ATAD2B: variants seen among roughly 807,000 people sequenced by gnomAD.
ATAD2B encodes ATPase family AAA domain-containing protein 2B.
ATAD2B carries 40 observed loss-of-function variants against 167.6 expected under a neutral mutation model. The observed-to-expected ratio is 0.24, with a 90% confidence interval of 0.19 to 0.31. The LOEUF (loss-of-function observed/expected upper bound fraction) is 0.31, where lower values mean the gene tolerates loss of function less well. ATAD2B is among the 10% of genes least tolerant of loss of function. The pLI is 1.00. For missense variants in ATAD2B, 1,242 were observed against 1,757.2 expected (o/e 0.71, Z 5.24); for synonymous variants, 579 against 596.5 (o/e 0.97, Z 0.43).
At chr2:23,780,267 TTGTGTGTGTGTGTGTG>T (rs67788174) in intron 22 of ATAD2B, among the ~76,000 whole-genome samples, 4 of 144,086 alleles carry the variant, frequency 2.8e-5, no homozygotes, top group South Asian at 2.2e-4. Flanking sequence ...AAGTATATAC[TTGTGTGTGTGTGTGTG>T]TGTGTGTGTG....
the ATAD2B span, chr2:23,691,667 T>G: frequency 1.3e-6 from 2 of 1,551,416 alleles, no homozygotes; most frequent in East Asian, 2.4e-5. Context: ...CTGGTCTCTG[T>G]GCCTAGGTCC....
At chr2:23,748,294 C>T (rs1369303123), downstream of ATAD2B, among the ~76,000 whole-genome samples, 1 of 152,120 alleles carries the variant, frequency 6.6e-6, no homozygotes, top group African/African-American at 2.4e-5. Flanking sequence ...ATGTGCTATA[C>T]TGTACAAAGT....
the ATAD2B span, chr2:23,696,677 A>G: frequency 3.4e-6 from 2 of 590,704 alleles, no homozygotes; most frequent in East Asian, 6.1e-5. The surrounding 1 kb of genome is among the most constrained non-coding windows in gnomAD (Gnocchi z 5.5). Flanking sequence ...CACCGGGGGC[A>G]GCAGGGTGTG....
At chr2:23,904,921 G>T (rs1056484780) in intron 1 of ATAD2B, among the ~76,000 whole-genome samples, 2 of 151,854 alleles carry the variant, frequency 1.3e-5, no homozygotes, top group Non-Finnish European at 2.9e-5. Flanking sequence ...ATTTATTTAG[G>T]GCCAACACTA....
At chr2:23,892,457 C>T (rs1411532944) in intron 2 of ATAD2B, among the ~76,000 whole-genome samples, 1 of 151,336 alleles carries the variant, frequency 6.6e-6, no homozygotes, top group African/African-American at 2.4e-5. Flanking sequence ...AGCCACTGCG[C>T]CCGGTTTTTT....
Position 23,922,765 on chromosome 2 carries a change from C to T in ATAD2B, c.216+3790G>A, listed in dbSNP as rs527608370. ...GTCAGGTATATAAAAAGGTGCTCAA[C>T]ATTACTAATCATCAGGGAAATGCAA... On this transcript the variant is annotated intron_variant, in intron 1 of 27. Transcript: ENST00000238789. Among the ~76,000 whole-genome samples, 28 of 146,834 alleles carry T rather than the reference C, an allele frequency of 1.9e-4. No individual in the cohort carries two copies. In the Middle Eastern group the frequency reaches 0.011, roughly 59 times the overall value.
At chr2:23,798,078 CAG>C (rs1682890061) in intron 19 of ATAD2B, 58 bp downstream of exon 19, 2 of 1,136,232 alleles carry the variant, frequency 1.8e-6, no homozygotes, top group Non-Finnish European at 2.4e-6. Flanking sequence ...GTCCAATTTA[CAG>C]AGTCAACTAT....
At chr2:23,889,611 C>T (rs570680250) in intron 2 of ATAD2B, among the ~76,000 whole-genome samples, 57 of 152,088 alleles carry the variant, frequency 3.7e-4, no homozygotes, top group African/African-American at 1.3e-3. Flanking sequence ...ACAGTTAAGA[C>T]GACTAAAGGG....
At chr2:23,822,882 A>C (rs894452933) in intron 16 of ATAD2B, among the ~76,000 whole-genome samples, 1 of 126,082 alleles carries the variant, frequency 7.9e-6, no homozygotes, top group African/African-American at 3.1e-5. Flanking sequence ...GCGCCATTAC[A>C]CTCCAGCCTG....
At chr2:23,851,501 G>A (rs193067016) in intron 13 of ATAD2B, among the ~76,000 whole-genome samples, 1 of 152,228 alleles carries the variant, frequency 6.6e-6, no homozygotes, top group East Asian at 1.9e-4. Context: ...GCCAAATTGA[G>A]AAGGAAATAC....
intron 12 of ATAD2B, among the ~76,000 whole-genome samples, chr2:23,862,651 A>G (rs1694582872): frequency 6.6e-6 from 1 of 152,182 alleles, no homozygotes; most frequent in African/African-American, 2.4e-5. Context: ...CATAGTCCAC[A>G]TGATATTTAT....
intron 1 of ATAD2B, among the ~76,000 whole-genome samples, chr2:23,908,250 G>T (rs1285048859): frequency 6.6e-6 from 1 of 151,948 alleles, no homozygotes; most frequent in Non-Finnish European, 1.5e-5. Context: ...ATCTGACAAA[G>T]GGCTAATATC....
chr2:23,854,266 G>C (rs1402179811), intron 13 of ATAD2B, among the ~76,000 whole-genome samples: 1 of 151,558 alleles, frequency 6.6e-6, no homozygotes, highest in Non-Finnish European at 1.5e-5. Context: ...AAGAATACCT[G>C]TATTAAAAAA....
chr2:23,831,938 T>G (rs1689128635), intron 14 of ATAD2B, among the ~76,000 whole-genome samples: 1 of 152,220 alleles, frequency 6.6e-6, no homozygotes, highest in South Asian at 2.1e-4. Flanking sequence ...AAAACTCTTT[T>G]TAAAACATAT....
the ATAD2B span, among the ~76,000 whole-genome samples, chr2:23,687,818 T>A: frequency 6.6e-6 from 1 of 152,120 alleles, no homozygotes; most frequent in Non-Finnish European, 1.5e-5. Flanking sequence ...TGAGGGTGGC[T>A]TGCAGGGGAC....
chr2:23,732,298 G>A, the ATAD2B span, among the ~76,000 whole-genome samples: 2 of 152,180 alleles, frequency 1.3e-5, no homozygotes, highest in African/African-American at 4.8e-5. Flanking sequence ...GGAATTTGTA[G>A]ATTAAGAGAT....
the ATAD2B span, chr2:23,695,994 G>A: frequency 6.4e-7 from 1 of 1,551,686 alleles, no homozygotes. The surrounding 1 kb of genome is among the most constrained non-coding windows in gnomAD (Gnocchi z 7.6). Context: ...GTCAGATGGT[G>A]GGGATGACCC....
At chr2:23,854,678 C>CA (rs796112621) in intron 13 of ATAD2B, among the ~76,000 whole-genome samples, 15,207 of 75,094 alleles carry the variant, frequency 0.2, 870 homozygotes, top group Middle Eastern at 0.33. Context: ...GACTTCGTCT[C>CA]AAAAAAAAAA....
chr2:23,691,689 C>A, the ATAD2B span: 1 of 1,551,656 alleles, frequency 6.4e-7, no homozygotes. Context: ...TGCAAGACAG[C>A]GGCCAGGGCG....
Sources: allele counts gnomAD v4.1 joint callset (sites outside exome capture counted in the v4.1 genomes callset), GRCh38; gene constraint gnomAD v4.1.1; non-coding constraint Gnocchi (gnomAD v3.1); transcripts MANE v1.5; gene names NCBI Gene and HGNC (gene_info 2026-07-23, HGNC 2026-07-21).